The following NRXN1 variants were observed in gnomAD, a reference collection of about 807,000 sequenced individuals.
NRXN1 encodes the protein neurexin-1.
A neutral mutation model predicts 150.9 loss-of-function variants in NRXN1; 39 were observed. The observed-to-expected ratio is 0.26, with a 90% CI of 0.20 to 0.34. NRXN1 has a LOEUF of 0.34. Among genes scored for constraint, NRXN1 ranks in the 10% least tolerant of loss-of-function variants. The pLI is 1.00. For synonymous variants in NRXN1, 924 were observed against 757.0 expected, an observed-to-expected ratio of 1.22 and a Z score of -3.62; for missense variants, 1,815 against 1,949.9, an observed-to-expected ratio of 0.93 and a Z score of 1.30.
At chr2:50,194,984 A>C (rs1574432604) in intron 18 of NRXN1, among the ~76,000 whole-genome samples, 1 of 152,302 alleles carries the variant, frequency 6.6e-6, no homozygotes, top group East Asian at 1.9e-4. Context: ...CCATCTTTAG[A>C]CAGAACAAAA....
At chr2:50,965,666 C>T (rs996991840) in intron 2 of NRXN1, among the ~76,000 whole-genome samples, 14 of 151,250 alleles carry the variant, frequency 9.3e-5, no homozygotes, top group Non-Finnish European at 7.4e-5. Flanking sequence ...TGATGCCATG[C>T]TTATATTTGG....
intron 17 of NRXN1, among the ~76,000 whole-genome samples, chr2:50,432,048 T>G (rs549448894): frequency 6.6e-6 from 1 of 152,272 alleles, no homozygotes; most frequent in Non-Finnish European, 1.5e-5. Flanking sequence ...CTTAAATAAC[T>G]TGCCAAAAGT....
At chr2:50,420,669 G>A (rs189306777) in intron 17 of NRXN1, among the ~76,000 whole-genome samples, 8 of 152,134 alleles carry the variant, frequency 5.3e-5, no homozygotes, top group Admixed American at 5.2e-4. Flanking sequence ...CTAGCATTGT[G>A]TGATAAAGTA....
intron 5 of NRXN1, among the ~76,000 whole-genome samples, chr2:50,663,439 T>A (rs1687591455): frequency 1.3e-5 from 2 of 152,044 alleles, no homozygotes; most frequent in African/African-American, 4.8e-5. Context: ...CTCCTCTCCA[T>A]GATCTCTGGT....
intron 21 of NRXN1, among the ~76,000 whole-genome samples, chr2:49,975,205 AT>A (rs897471441): frequency 5.3e-5 from 8 of 149,724 alleles, no homozygotes; most frequent in African/African-American, 1.5e-4. Flanking sequence ...TATCACGGAG[AT>A]TTTTTTTTTA....
At chr2:50,410,404 A>G (rs1308511307) in intron 17 of NRXN1, among the ~76,000 whole-genome samples, 1 of 152,176 alleles carries the variant, frequency 6.6e-6, no homozygotes. Flanking sequence ...CTACTTTTGT[A>G]CCTATCTGCC....
chr2:50,558,498 T>G (rs1361229965), intron 8 of NRXN1, among the ~76,000 whole-genome samples: 2 of 152,202 alleles, frequency 1.3e-5, no homozygotes, highest in Admixed American at 1.3e-4. Context: ...TTAAAATATC[T>G]CTAAGTGAAT....
At chr2:50,390,274 T>A (rs1459565111) in intron 17 of NRXN1, among the ~76,000 whole-genome samples, 1 of 152,168 alleles carries the variant, frequency 6.6e-6, no homozygotes, top group Non-Finnish European at 1.5e-5. Context: ...TAAGGATGAT[T>A]AAGTTTTCCT....
intron 17 of NRXN1, among the ~76,000 whole-genome samples, chr2:50,382,772 A>G (rs1476798041): frequency 6.6e-6 from 1 of 152,108 alleles, no homozygotes; most frequent in African/African-American, 2.4e-5. Flanking sequence ...AGCGAGTGGG[A>G]AGACAGACAT....
chr2:50,099,106 T>C (rs978024363), intron 18 of NRXN1, among the ~76,000 whole-genome samples: 5 of 152,058 alleles, frequency 3.3e-5, no homozygotes, highest in Non-Finnish European at 7.4e-5. Context: ...CTGGCAGCGA[T>C]ATTAACTTCC....
intron 18 of NRXN1, among the ~76,000 whole-genome samples, chr2:50,203,940 C>A (rs1484219713): frequency 6.6e-6 from 1 of 152,006 alleles, no homozygotes; most frequent in Non-Finnish European, 1.5e-5. Context: ...GGAAATAATA[C>A]AATCCAAATC....
At chr2:50,751,133 G>A (rs1276248846) in intron 5 of NRXN1, among the ~76,000 whole-genome samples, 1 of 151,932 alleles carries the variant, frequency 6.6e-6, no homozygotes, top group Non-Finnish European at 1.5e-5. Flanking sequence ...GCCTCTGAAA[G>A]CCTTAAACTT....
chr2:51,016,318 G>A (rs1418463735), intron 2 of NRXN1, among the ~76,000 whole-genome samples: 1 of 152,058 alleles, frequency 6.6e-6, no homozygotes, highest in African/African-American at 2.4e-5. Flanking sequence ...AGAGTGACAG[G>A]CAACCTGCAG....
intron 8 of NRXN1, among the ~76,000 whole-genome samples, chr2:50,563,708 T>G (rs549255298): frequency 3.7e-4 from 56 of 152,298 alleles, no homozygotes; most frequent in African/African-American, 1.3e-3. Flanking sequence ...ACTGTTTAAT[T>G]TATTGGTTTT....
In NRXN1 at chr2:49,919,747, C is replaced by T. The variant is rs1402256690; in HGVS notation, c.*2197G>A. 2 of 151,858 alleles carry T rather than the reference C, an allele frequency of 1.3e-5. No individual in the cohort carries two copies. Among genetic ancestry groups the T allele is most frequent in the African/African-American group, 4.8e-5 (2 of 41,356 alleles). The allele number at this position is 151,858 out of a possible 1,614,324, so 9.4% of individuals were successfully genotyped here. On this transcript the variant is annotated 3_prime_UTR_variant, in exon 23 of 23. Transcript: ENST00000401669. ...TGGATATTAAATTTTCATTTTATAC[C>T]TTCTACTTTCTGGGTCATAAAAAGC...
chr2:50,795,820 TA>T lies in NRXN1; in HGVS notation c.832+126048del, dbSNP rs1706741454. Among the ~76,000 whole-genome samples, 3 of 151,830 alleles carry T rather than the reference TA, an allele frequency of 2.0e-5. No individual in the cohort carries two copies. In the South Asian group the frequency reaches 6.2e-4, roughly 32 times the overall value. On this transcript the variant is annotated intron_variant, in intron 5 of 22. Transcript: ENST00000401669. The stretch of plus-strand genomic sequence containing the variant: ...TGGTGCATGGTCTTAATTATATTAT[TA>T]TACTATTTGTTACATGCATTTTTTT...
intron 18 of NRXN1, among the ~76,000 whole-genome samples, chr2:50,097,802 G>A (rs1249686215): frequency 1.3e-5 from 2 of 152,084 alleles, no homozygotes; most frequent in East Asian, 1.9e-4. Context: ...ACCACGCCCA[G>A]CTAATAATGT....
At chr2:50,908,457 T>A (rs1055569661) in intron 5 of NRXN1, among the ~76,000 whole-genome samples, 1 of 151,902 alleles carries the variant, frequency 6.6e-6, no homozygotes, top group African/African-American at 2.4e-5. Flanking sequence ...AATGCTTCCA[T>A]TTTACTATGC....
chr2:50,253,094 T>C (rs2067318236), intron 17 of NRXN1, among the ~76,000 whole-genome samples: 2 of 152,180 alleles, frequency 1.3e-5, no homozygotes, highest in African/African-American at 4.8e-5. Flanking sequence ...TCTTGAGCAA[T>C]GGTTTGTAGT....
Sources: allele counts gnomAD v4.1 joint callset (sites outside exome capture counted in the v4.1 genomes callset), GRCh38; gene constraint gnomAD v4.1.1; transcripts MANE v1.5; gene names NCBI Gene and HGNC (gene_info 2026-07-23, HGNC 2026-07-21).